The following CTNND2 variants were observed in gnomAD, a reference collection of about 807,000 sequenced individuals.
CTNND2 encodes catenin delta-2.
In CTNND2, 22 loss-of-function variants were observed where a neutral mutation model predicts 144.4. The observed-to-expected ratio is 0.15, with a 90% CI of 0.11 to 0.22. The LOEUF is 0.22. CTNND2 is among the 10% of genes least tolerant of loss of function. The pLI is 1.00. For synonymous variants in CTNND2, 751 were observed against 695.6 expected, an observed-to-expected ratio of 1.08 and a Z score of -1.25; for missense variants, 1,353 against 1,618.8, an observed-to-expected ratio of 0.84 and a Z score of 2.82.
At chr5:11,640,204 C>G (rs915081908) in intron 2 of CTNND2, among the ~76,000 whole-genome samples, 4 of 152,156 alleles carry the variant, frequency 2.6e-5, no homozygotes, top group African/African-American at 9.7e-5. Context: ...TAACAAGCAA[C>G]TCTTGGGAAC....
Position 11,667,428 on chromosome 5 carries a change from G to A in CTNND2, c.174+64708C>T, listed in dbSNP as rs574986987. On this transcript the variant is annotated intron_variant, in intron 2 of 21. Transcript: ENST00000304623. ...TTTCTCCACATCCTCTCCAGTATCTGTTGTTTCCTGACTTTTTAATGATAA... is the reference window on the plus strand; with the variant it reads ...TTTCTCCACATCCTCTCCAGTATCTATTGTTTCCTGACTTTTTAATGATAA... 2.1e-4 allele frequency among the ~76,000 whole-genome samples: 32 copies of A among 152,284 alleles called. No individual in the cohort carries two copies. In the South Asian group the frequency reaches 6.4e-3, roughly 31 times the overall value.
intron 3 of CTNND2, among the ~76,000 whole-genome samples, chr5:11,471,774 G>A (rs1767257088): frequency 6.6e-6 from 1 of 152,160 alleles, no homozygotes; most frequent in Non-Finnish European, 1.5e-5. Flanking sequence ...CCACATAGGA[G>A]TTACCAATGC....
At chr5:11,423,181 T>C (rs1423491) in intron 3 of CTNND2, among the ~76,000 whole-genome samples, 5,976 of 152,332 alleles carry the variant, frequency 0.039, 400 homozygotes, top group African/African-American at 0.14. Context: ...TTGAAGTACT[T>C]TCCAAACCAT....
chr5:11,619,407 CAAAAACA>C (rs1780730417), intron 2 of CTNND2, among the ~76,000 whole-genome samples: 1 of 152,030 alleles, frequency 6.6e-6, no homozygotes, highest in African/African-American at 2.4e-5. Context: ...GACTGTGTCT[CAAAAACA>C]AAAAACAAAA....
intron 1 of CTNND2, among the ~76,000 whole-genome samples, chr5:11,803,243 C>T (rs1008739336): frequency 2.0e-5 from 3 of 151,910 alleles, no homozygotes; most frequent in Non-Finnish European, 4.4e-5. Context: ...TCGCTTTAAC[C>T]AGGGAGTCGG....
At chr5:11,725,751 A>G (rs1786981872) in intron 2 of CTNND2, among the ~76,000 whole-genome samples, 1 of 152,136 alleles carries the variant, frequency 6.6e-6, no homozygotes, top group Non-Finnish European at 1.5e-5. Context: ...TTATAGAAAT[A>G]CATGTTTTAC....
intron 2 of CTNND2, among the ~76,000 whole-genome samples, chr5:11,716,351 T>C (rs1312836691): frequency 6.6e-6 from 1 of 152,238 alleles, no homozygotes; most frequent in African/African-American, 2.4e-5. Flanking sequence ...TAAATGTAAC[T>C]TCTCATTCAT....
chr5:10,974,427 C>T (rs1736197443), intron 21 of CTNND2, among the ~76,000 whole-genome samples: 1 of 152,192 alleles, frequency 6.6e-6, no homozygotes, highest in Admixed American at 6.5e-5. Flanking sequence ...TATGCATAGA[C>T]CACATTTTAT....
chr5:11,522,206 A>C (rs188297285), intron 3 of CTNND2, among the ~76,000 whole-genome samples: 28 of 152,246 alleles, frequency 1.8e-4, no homozygotes, highest in Admixed American at 1.8e-3. Flanking sequence ...TAGAAGAAAG[A>C]TTGTAAATTT....
intron 3 of CTNND2, among the ~76,000 whole-genome samples, chr5:11,460,126 C>T (rs570384605): frequency 3.9e-5 from 6 of 152,210 alleles, no homozygotes; most frequent in East Asian, 1.9e-4. Context: ...ACATGATGCC[C>T]GCAACAATCC....
At chr5:11,892,716 C>A (rs1205928691) in intron 1 of CTNND2, among the ~76,000 whole-genome samples, 1 of 151,874 alleles carries the variant, frequency 6.6e-6, no homozygotes, top group East Asian at 1.9e-4. Context: ...CACATAGCCA[C>A]CAAATCCCAG....
At chr5:11,226,585 A>G (rs1489181849) in intron 10 of CTNND2, among the ~76,000 whole-genome samples, 1 of 152,238 alleles carries the variant, frequency 6.6e-6, no homozygotes, top group Non-Finnish European at 1.5e-5. Context: ...GCGTCCAACA[A>G]AGAGAGAATT....
At chr5:11,071,029 C>G (rs1281975235) in intron 16 of CTNND2, among the ~76,000 whole-genome samples, 1 of 151,046 alleles carries the variant, frequency 6.6e-6, no homozygotes, top group Non-Finnish European at 1.5e-5. Context: ...CAGGACACAG[C>G]AGTGACGTAA....
intron 2 of CTNND2, among the ~76,000 whole-genome samples, chr5:11,697,104 TTATG>T (rs1231144793): frequency 2.6e-5 from 4 of 152,208 alleles, no homozygotes; most frequent in Admixed American, 2.6e-4. Context: ...ACAAATATCA[TTATG>T]TATGTAAGTG....
At chr5:11,779,259 C>A (rs1790416999) in intron 1 of CTNND2, among the ~76,000 whole-genome samples, 1 of 152,036 alleles carries the variant, frequency 6.6e-6, no homozygotes, top group Admixed American at 6.6e-5. Flanking sequence ...TCTCACACAC[C>A]CTAATTCAAC....
intron 2 of CTNND2, among the ~76,000 whole-genome samples, chr5:11,673,471 C>T (rs373937913): frequency 1.3e-4 from 20 of 152,172 alleles, no homozygotes; most frequent in African/African-American, 4.6e-4. Context: ...TAAGCAAAGA[C>T]TTATCTGAAA....
intron 10 of CTNND2, among the ~76,000 whole-genome samples, chr5:11,200,497 G>C (rs1442268479): frequency 6.6e-6 from 1 of 152,176 alleles, no homozygotes; most frequent in Non-Finnish European, 1.5e-5. Flanking sequence ...TATGGACAAA[G>C]AGCATGATTC....
chr5:11,438,845 T>G (rs1764004480), intron 3 of CTNND2, among the ~76,000 whole-genome samples: 2 of 152,168 alleles, frequency 1.3e-5, no homozygotes, highest in Admixed American at 1.3e-4. Context: ...GGGACTTACT[T>G]CTTTTATGGA....
chr5:11,506,223 C>T (rs976597633), intron 3 of CTNND2, among the ~76,000 whole-genome samples: 1 of 152,124 alleles, frequency 6.6e-6, no homozygotes, highest in Admixed American at 6.5e-5. Flanking sequence ...GGGCAGGCTC[C>T]AGCATCAGAC....
Sources: allele counts gnomAD v4.1 joint callset (sites outside exome capture counted in the v4.1 genomes callset), GRCh38; gene constraint gnomAD v4.1.1; transcripts MANE v1.5; gene names NCBI Gene and HGNC (gene_info 2026-07-23, HGNC 2026-07-21).